CPE: variants seen among roughly 807,000 people sequenced by gnomAD.
The protein encoded by CPE is carboxypeptidase E, also known as carbocypeptidase E.
In CPE, 17 loss-of-function variants were observed where a neutral mutation model predicts 53.5. The observed-to-expected ratio is 0.32, with a 90% confidence interval of 0.22 to 0.48. The LOEUF is 0.48. Ranked by LOEUF, CPE falls within the 20% of genes least tolerant of loss-of-function variation. The probability of loss-of-function intolerance (pLI) is 0.99; values close to 1 mark genes in which losing one functional copy is unlikely to be tolerated. For synonymous variants in CPE, 226 were observed against 228.8 expected, an observed-to-expected ratio of 0.99 and a Z score of 0.11; for missense variants, 524 against 614.7, an observed-to-expected ratio of 0.85 and a Z score of 1.56.
chr4:165,478,833 AC>A (rs765710986), intron 3 of CPE, among the ~76,000 whole-genome samples: 41 of 151,912 alleles, frequency 2.7e-4, no homozygotes, highest in Non-Finnish European at 4.1e-4. Context: ...TATTTTCCTT[AC>A]CCCCGACAGA....
At chr4:165,473,710 A>T (rs535061211) in intron 3 of CPE, among the ~76,000 whole-genome samples, 68 of 152,292 alleles carry the variant, frequency 4.5e-4, no homozygotes, top group African/African-American at 1.6e-3. Flanking sequence ...AAGAGTGTGA[A>T]TCTTTTCTTT....
chr4:165,379,425 G>T lies in CPE; in HGVS notation c.204G>T (p.Leu68=), dbSNP rs1403722956. The change falls in exon 1 of 9, where the codon CTG becomes CTT. Residue 68 remains leucine, a synonymous_variant. Coordinates refer to ENST00000402744, the MANE Select transcript of CPE (RefSeq NM_001873.4). This position sits in a 1 kb window ranked among gnomAD's most constrained non-coding sequence, Gnocchi z 6.0. The stretch of plus-strand genomic sequence containing the variant: ...GCGAGGCGCTCGTGTCCGTGTGGCT[G>T]CAGTGCACCGCCATCAGCAGGATTT... ...ELREALVSVW[L]QCTAISRIYT... 2.5e-6 allele frequency: 4 copies of T among 1,610,096 alleles called. No individual in the cohort carries two copies. The highest frequency in any genetic ancestry group is 3.3e-5 in the Admixed American group (2 of 59,842).
At chr4:165,393,262 C>T (rs1314285429) in intron 1 of CPE, among the ~76,000 whole-genome samples, 1 of 152,144 alleles carries the variant, frequency 6.6e-6, no homozygotes, top group East Asian at 1.9e-4. Context: ...TGTTTTAGAG[C>T]ATTCATCCAG....
At position 165,462,908 on chromosome 4, in the gene CPE, G is replaced by A. The variant is rs541407337; in HGVS notation, c.308-1482G>A. On this transcript the variant is annotated intron_variant, in intron 1 of 8. Transcript: ENST00000402744. ...CAGAAACTCAGGAATCTCATGCAAA[G>A]AATGCTTAGTTAACATATTTCCAGG... Among the ~76,000 whole-genome samples the A allele has an allele frequency of 2.2e-4, 33 of 152,272 alleles. 1 individual carries two copies. In the South Asian group the frequency reaches 6.6e-3, roughly 31 times the overall value.
rs576907733 is a variant in CPE, at chr4:165,407,639, C to T, written c.307+28111C>T. On this transcript the variant is annotated intron_variant, in intron 1 of 8. Transcript: ENST00000402744. ...CTTGGCTCACTGCAACCTCCACCTC[C>T]GAGGTTCAAGCAATTCTCCTGCCTC... Among the ~76,000 whole-genome samples, 518 of 152,116 alleles carry T rather than the reference C, an allele frequency of 3.4e-3. 1 individual carries two copies. Among genetic ancestry groups the T allele is most frequent in the Non-Finnish European group, 4.6e-3 (311 of 67,990 alleles).
At chr4:165,477,874 A>G (rs1048081217) in intron 3 of CPE, among the ~76,000 whole-genome samples, 9 of 152,142 alleles carry the variant, frequency 5.9e-5, no homozygotes, top group African/African-American at 2.2e-4. Context: ...CACTCGCTCG[A>G]GATCCATGCT....
At chr4:165,389,312 C>T (rs1323662642) in intron 1 of CPE, among the ~76,000 whole-genome samples, 1 of 152,186 alleles carries the variant, frequency 6.6e-6, no homozygotes, top group Non-Finnish European at 1.5e-5. Flanking sequence ...ATAGATTTCA[C>T]TCCTATCTAT....
intron 1 of CPE, among the ~76,000 whole-genome samples, chr4:165,418,054 A>G (rs1417700362): frequency 6.6e-6 from 1 of 152,226 alleles, no homozygotes; most frequent in African/African-American, 2.4e-5. Context: ...CTAAGCCTTC[A>G]TTCTAAGACA....
intron 3 of CPE, among the ~76,000 whole-genome samples, chr4:165,468,086 T>C (rs1382674975): frequency 6.6e-6 from 1 of 152,122 alleles, no homozygotes; most frequent in African/African-American, 2.4e-5. Flanking sequence ...AGGAACCCAG[T>C]TGTAGGTTTC....
At chr4:165,450,504 A>G (rs981682101) in intron 1 of CPE, among the ~76,000 whole-genome samples, 9 of 152,226 alleles carry the variant, frequency 5.9e-5, no homozygotes, top group Non-Finnish European at 1.2e-4. Context: ...CATAAACAAA[A>G]TATGATAGTG....
intron 1 of CPE, among the ~76,000 whole-genome samples, chr4:165,387,761 T>G (rs1159200133): frequency 6.6e-6 from 1 of 152,066 alleles, no homozygotes; most frequent in Non-Finnish European, 1.5e-5. Context: ...GTGAGCGAGA[T>G]CGCACCACTG....
intron 1 of CPE, among the ~76,000 whole-genome samples, chr4:165,387,913 T>C (rs1046750792): frequency 6.6e-6 from 1 of 152,176 alleles, no homozygotes; most frequent in African/African-American, 2.4e-5. Flanking sequence ...TGAGCCACTG[T>C]GCCCAGCCCC....
At position 165,390,108 on chromosome 4, in the gene CPE, T is replaced by C. The variant is rs140030206; in HGVS notation, c.307+10580T>C. 3.4e-3 allele frequency among the ~76,000 whole-genome samples: 515 copies of C among 152,376 alleles called. 1 individual carries two copies. Among genetic ancestry groups the C allele is most frequent in the African/African-American group, 0.011 (473 of 41,600 alleles). On this transcript the variant is annotated intron_variant, in intron 1 of 8. Transcript: ENST00000402744. ...TCTCCAGCTGCAAGGCAAATAGTTATATCAATCCATAATTCTGCCTTCCTT... is the reference window on the plus strand; with the variant it reads ...TCTCCAGCTGCAAGGCAAATAGTTACATCAATCCATAATTCTGCCTTCCTT...
intron 6 of CPE, among the ~76,000 whole-genome samples, chr4:165,491,874 G>A (rs1315723822): frequency 6.6e-6 from 1 of 152,166 alleles, no homozygotes; most frequent in Non-Finnish European, 1.5e-5. Context: ...TAGGGAAATA[G>A]TCAAGTATCA....
chr4:165,485,592 A>C (rs1473559177), intron 5 of CPE, among the ~76,000 whole-genome samples: 1 of 152,192 alleles, frequency 6.6e-6, no homozygotes, highest in Non-Finnish European at 1.5e-5. Flanking sequence ...TGTCTAGTAC[A>C]TCAGATGGGA....
chr4:165,423,229 C>G (rs1460302982), intron 1 of CPE, among the ~76,000 whole-genome samples: 1 of 152,096 alleles, frequency 6.6e-6, no homozygotes, highest in African/African-American at 2.4e-5. Flanking sequence ...GCTTTTTTAT[C>G]TTAGTAGCTA....
chr4:165,425,635 A>G (rs1731303374), intron 1 of CPE, among the ~76,000 whole-genome samples: 1 of 148,072 alleles, frequency 6.8e-6, no homozygotes, highest in Non-Finnish European at 1.5e-5. Context: ...ATGAAAATCA[A>G]ATGTTTAAAA....
At chr4:165,443,151 G>A (rs530487142) in intron 1 of CPE, among the ~76,000 whole-genome samples, 27 of 152,282 alleles carry the variant, frequency 1.8e-4, no homozygotes, top group Admixed American at 3.3e-4. Context: ...GGAATCATGC[G>A]AAGGGGCAGG....
At chr4:165,496,697 A>G (rs1226810141) in intron 8 of CPE, among the ~76,000 whole-genome samples, 1 of 152,104 alleles carries the variant, frequency 6.6e-6, no homozygotes, top group Non-Finnish European at 1.5e-5. Context: ...CCTAGACCTG[A>G]TGAAGATTCC....
Sources: allele counts gnomAD v4.1 joint callset (sites outside exome capture counted in the v4.1 genomes callset), GRCh38; gene constraint gnomAD v4.1.1; non-coding constraint Gnocchi (gnomAD v3.1); transcripts MANE v1.5; gene names NCBI Gene and HGNC (gene_info 2026-07-23, HGNC 2026-07-21).